The following DNAJB1 variants were observed in gnomAD, a reference collection of about 807,000 sequenced individuals.
DNAJB1 encodes the protein DnaJ heat shock protein family (Hsp40) member B1.
DNAJB1 carries 14 observed loss-of-function variants against 24.0 expected under a neutral mutation model. The observed-to-expected ratio is 0.58, with a 90% CI of 0.39 to 0.91. The LOEUF is 0.91. DNAJB1 is among the 40% of genes least tolerant of loss of function. DNAJB1 has a pLI of 0.00. For synonymous variants in DNAJB1, 262 were observed against 174.4 expected (o/e 1.50, Z -3.96); for missense variants, 517 against 458.1 (o/e 1.13, Z -1.17).
upstream of DNAJB1, among the ~76,000 whole-genome samples, chr19:14,532,752 A>G (rs968116564): frequency 6.6e-6 from 1 of 152,178 alleles, no homozygotes; most frequent in African/African-American, 2.4e-5. Context: ...GGTCAGTAAA[A>G]ATAGAAAGGA....
Position 14,515,984 on chromosome 19 carries a change from G to A in DNAJB1, c.979C>T (p.Pro327Ser), listed in dbSNP as rs1327285879. Residue 327 changes from proline (P) to serine (S), a missense_variant, in exon 3 of 3, where the codon CCC becomes TCC. Pro to Ser is a moderately conservative substitution (Grantham distance 74). Coordinates refer to ENST00000254322, the MANE Select transcript of DNAJB1 (RefSeq NM_006145.3). ...TCAAGTACGGTTCTTGATGTCTGGG[G>A]AATCCTTTCGGGGAAGATCACTTCA... ...EFEVIFPERI[P>S]QTSRTVLEQV... 1 of 1,609,994 alleles carries A rather than the reference G, an allele frequency of 6.2e-7. No homozygotes were observed. The highest frequency in any genetic ancestry group is 8.5e-7 in the Non-Finnish European group (1 of 1,178,912).
intron 2 of DNAJB1, among the ~76,000 whole-genome samples, chr19:14,523,973 T>C (rs2072390584): frequency 1.3e-5 from 2 of 152,126 alleles, no homozygotes; most frequent in Admixed American, 6.6e-5. Context: ...AAGTACTCGA[T>C]GAATATTAAC....
At chr19:14,520,939 G>T (rs970431296), upstream of DNAJB1, among the ~76,000 whole-genome samples, 4 of 152,136 alleles carry the variant, frequency 2.6e-5, no homozygotes, top group African/African-American at 4.8e-5. Context: ...GCTGCAGTCA[G>T]CTATGATTGT....
At chr19:14,549,147 T>G (rs1397776906) in intron 1 of DNAJB1, among the ~76,000 whole-genome samples, 1 of 151,918 alleles carries the variant, frequency 6.6e-6, no homozygotes, top group Non-Finnish European at 1.5e-5. Flanking sequence ...GGCTGTAGTT[T>G]GCTGACCCAT....
At chr19:14,553,564 T>C (rs1448352953), upstream of DNAJB1, among the ~76,000 whole-genome samples, 1 of 152,142 alleles carries the variant, frequency 6.6e-6, no homozygotes, top group African/African-American at 2.4e-5. Flanking sequence ...TCCTGGCAGC[T>C]GAGCCCTAGG....
chr19:14,547,905 G>A (rs1386838541), intron 1 of DNAJB1, among the ~76,000 whole-genome samples: 1 of 150,336 alleles, frequency 6.7e-6, no homozygotes, highest in East Asian at 2.0e-4. Context: ...TGGACTCTGG[G>A]CCTCGAGGGA....
chr19:14,558,216 T>G (rs1278989459), intron 1 of DNAJB1, among the ~76,000 whole-genome samples: 1 of 152,138 alleles, frequency 6.6e-6, no homozygotes, highest in Non-Finnish European at 1.5e-5. Context: ...CAGGTCTGCT[T>G]CTCTGGGTTG....
At chr19:14,535,390 C>T (rs1402026608) in intron 1 of DNAJB1, among the ~76,000 whole-genome samples, 1 of 149,672 alleles carries the variant, frequency 6.7e-6, no homozygotes, top group Non-Finnish European at 1.5e-5. Context: ...TACCTGTAGT[C>T]CCAGCTACTT....
At chr19:14,557,114 C>T (rs978479255) in intron 1 of DNAJB1, among the ~76,000 whole-genome samples, 4 of 140,450 alleles carry the variant, frequency 2.8e-5, no homozygotes, top group Non-Finnish European at 4.6e-5. Context: ...TTGGTCTAAT[C>T]TTATTTATTT....
At position 14,515,842 on chromosome 19, in the gene DNAJB1, G is replaced by A; in HGVS notation, c.*98C>T. 2.5e-6 allele frequency: 3 copies of A among 1,186,790 alleles called. No homozygotes were observed. Among genetic ancestry groups the A allele is most frequent in the Admixed American group, 4.7e-5 (2 of 42,256 alleles). The allele number at this position is 1,186,790 out of a possible 1,614,324, so 73.5% of individuals were successfully genotyped here. Reference sequence around the variant, plus strand: ...TTCAGCAGTACGAAAGCCCTCCCTGGGCCCTCCCACCCTCTCATGGTCCAC... The same window carrying A: ...TTCAGCAGTACGAAAGCCCTCCCTGAGCCCTCCCACCCTCTCATGGTCCAC... On this transcript the variant is annotated 3_prime_UTR_variant, in exon 3 of 3. Coordinates refer to ENST00000254322, the MANE Select transcript of DNAJB1 (RefSeq NM_006145.3).
In DNAJB1 at chr19:14,515,756, G is replaced by A. The variant is rs1449023215; in HGVS notation, c.*184C>T. ...CCCACCACCTGATGCCCTATAGCTC[G>A]AAAAACCACTGAAGTCTAGTGTGCG... On this transcript the variant is annotated 3_prime_UTR_variant, in exon 3 of 3. Coordinates refer to ENST00000254322, the MANE Select transcript of DNAJB1 (RefSeq NM_006145.3). 8.3e-6 allele frequency: 5 copies of A among 604,226 alleles called. No homozygotes were observed. Among genetic ancestry groups the A allele is most frequent in the South Asian group, 2.3e-5 (1 of 44,028 alleles). The allele number at this position is 604,226 out of a possible 1,614,324, so 37.4% of individuals were successfully genotyped here. A position where few individuals can be genotyped will look rare whatever the true frequency, so the allele number is the denominator to read the frequency against.
At chr19:14,517,953 C>T in intron 1 of DNAJB1, 186 bp downstream of exon 1, 1 of 554,206 alleles carries the variant, frequency 1.8e-6, no homozygotes, top group Middle Eastern at 5.0e-4. Context: ...AGCGGCTGGG[C>T]CAAGGCTCCT....
intron 1 of DNAJB1, among the ~76,000 whole-genome samples, chr19:14,546,273 T>TC: frequency 6.7e-6 from 1 of 150,266 alleles, no homozygotes; most frequent in Non-Finnish European, 1.5e-5. Flanking sequence ...GATTTGGGAT[T>TC]TTTTTTTTTG....
chr19:14,556,425 CAAAA>C (rs919208160), intron 1 of DNAJB1, among the ~76,000 whole-genome samples: 1 of 150,252 alleles, frequency 6.7e-6, no homozygotes, highest in African/African-American at 2.5e-5. Context: ...AAAACAAAAA[CAAAA>C]AAAACCACAT....
upstream of DNAJB1, chr19:14,518,569 C>T (rs2072321766): frequency 2.7e-6 from 1 of 366,114 alleles, no homozygotes; most frequent in African/African-American, 2.1e-5. Context: ...CGGCCGCCCG[C>T]GCGGGGCCAC....
chr19:14,535,986 A>G (rs1599417249), intron 1 of DNAJB1, among the ~76,000 whole-genome samples: 2 of 151,956 alleles, frequency 1.3e-5, no homozygotes, highest in African/African-American at 4.8e-5. Context: ...TACTTAGGCC[A>G]TTTCTTTGCT....
At position 14,517,397 on chromosome 19, in the gene DNAJB1, T is replaced by C. The variant is rs2072288345; in HGVS notation, c.212-351A>G. 1.3e-5 allele frequency: 3 copies of C among 232,870 alleles called. No individual in the cohort carries two copies. In the South Asian group the frequency reaches 3.8e-4, roughly 29 times the overall value. The allele number at this position is 232,870 out of a possible 1,614,324, so 14.4% of individuals were successfully genotyped here. ...GGGTCGGCTTTCGGTAAGTGTTTAC[T>C]CTCAACGTTTTAGGGCTAATGGTGC... is the stretch of plus-strand genomic sequence containing the variant. On this transcript the variant is annotated intron_variant, in intron 1 of 2. Transcript: ENST00000254322.
At chr19:14,546,740 C>G (rs545527339) in intron 1 of DNAJB1, among the ~76,000 whole-genome samples, 1 of 151,874 alleles carries the variant, frequency 6.6e-6, no homozygotes, top group Non-Finnish European at 1.5e-5. Context: ...GCTGGAGTGC[C>G]GTGTCGCGAT....
chr19:14,528,539 G>C (rs1310548698), intron 1 of DNAJB1, among the ~76,000 whole-genome samples: 1 of 152,050 alleles, frequency 6.6e-6, no homozygotes, highest in Non-Finnish European at 1.5e-5. Context: ...TTCCCGGCCT[G>C]GACCAGCCCC....
Sources: gnomAD v4.1 joint callset for allele counts (sites outside exome capture counted in the v4.1 genomes callset) on GRCh38, gnomAD v4.1.1 for gene constraint, MANE v1.5 for transcripts, NCBI Gene and HGNC (gene_info 2026-07-23, HGNC 2026-07-21) for gene names.